The following CERS6 variants were observed in gnomAD, a reference collection of about 807,000 sequenced individuals.
CERS6 encodes LAG1 homolog, ceramide synthase 6.
Under a neutral mutation model 56.8 loss-of-function variants are expected in CERS6, and 26 were observed. The observed-to-expected ratio is 0.46, with a 90% CI of 0.34 to 0.63. The LOEUF (loss-of-function observed/expected upper bound fraction) is 0.63, where lower values mean the gene tolerates loss of function less well. Ranked by LOEUF, CERS6 falls within the 30% of genes least tolerant of loss-of-function variation. CERS6 has a pLI of 0.01. For synonymous variants in CERS6, 164 were observed against 173.3 expected, an observed-to-expected ratio of 0.95 and a Z score of 0.42; for missense variants, 415 against 467.5, an observed-to-expected ratio of 0.89 and a Z score of 1.04.
At chr2:168,555,398 A>G (rs984830442) in intron 2 of CERS6, among the ~76,000 whole-genome samples, 4 of 152,132 alleles carry the variant, frequency 2.6e-5, no homozygotes, top group Non-Finnish European at 4.4e-5. Flanking sequence ...ATATGAAAAA[A>G]ATAGCCATTT....
chr2:168,498,715 G>A (rs1483417095), intron 1 of CERS6, among the ~76,000 whole-genome samples: 4 of 152,242 alleles, frequency 2.6e-5, no homozygotes, highest in South Asian at 2.1e-4. Flanking sequence ...GAACCACGCC[G>A]TGGCTGGTGG....
chr2:168,708,785 C>G (rs1687020068), intron 6 of CERS6, among the ~76,000 whole-genome samples: 1 of 152,094 alleles, frequency 6.6e-6, no homozygotes, highest in Non-Finnish European at 1.5e-5. Flanking sequence ...CTTCTAAATT[C>G]CCTTTATAAA....
chr2:168,590,292 T>C (rs1185806443), intron 3 of CERS6, among the ~76,000 whole-genome samples: 2 of 152,246 alleles, frequency 1.3e-5, no homozygotes, highest in Non-Finnish European at 2.9e-5. Context: ...CTTTTGGCCA[T>C]TTTAAACTTA....
intron 4 of CERS6, among the ~76,000 whole-genome samples, chr2:168,677,420 G>A (rs1686092607): frequency 6.6e-6 from 1 of 152,136 alleles, no homozygotes. Flanking sequence ...GTCTAACATT[G>A]ATGGGCATTT....
chr2:168,571,175 C>T (rs1695978805), intron 3 of CERS6, among the ~76,000 whole-genome samples: 1 of 152,080 alleles, frequency 6.6e-6, no homozygotes, highest in South Asian at 2.1e-4. Flanking sequence ...CCCTCTCTTG[C>T]TCTCCTTCTC....
chr2:168,648,806 T>G, intron 4 of CERS6, among the ~76,000 whole-genome samples: 1 of 152,156 alleles, frequency 6.6e-6, no homozygotes, highest in East Asian at 1.9e-4. Context: ...TTTTGAGCAC[T>G]TTTCTTAGTG....
In CERS6 at chr2:168,516,760, C is replaced by T. The variant is rs548573626; in HGVS notation, c.171-30836C>T. On this transcript the variant is annotated intron_variant, in intron 1 of 9. Coordinates refer to ENST00000305747, the MANE Select transcript of CERS6 (RefSeq NM_203463.3). ...AAGAGCTGGGACTGAAAACCAAACC[C>T]GCCCATGTGTGAAGCCTCTACCTTT... is the stretch of plus-strand genomic sequence containing the variant. 3.9e-5 allele frequency among the ~76,000 whole-genome samples: 6 copies of T among 152,280 alleles called. No homozygotes were observed. The East Asian group carries it at 5.8e-4, about 15-fold the overall frequency.
chr2:168,771,467 GTTATT>G lies in CERS6; in HGVS notation c.*1812_*1816del, dbSNP rs1684859358. The stretch of plus-strand genomic sequence containing the variant: ...CAAATAATTCTGCTTTTAGAGCCTT[GTTATT>G]TTATTTCACAAAACAGGCATATGTC... On this transcript the variant is annotated 3_prime_UTR_variant, in exon 10 of 10. Coordinates refer to ENST00000305747, the MANE Select transcript of CERS6 (RefSeq NM_203463.3). The G allele has an allele frequency of 6.6e-6, 1 of 152,088 alleles. No individual in the cohort carries two copies. The highest frequency in any genetic ancestry group is 2.4e-5 in the African/African-American group (1 of 41,396). The allele number at this position is 152,088 out of a possible 1,614,324, so 9.4% of individuals were successfully genotyped here. A position where few individuals can be genotyped will look rare whatever the true frequency, so the allele number is the denominator to read the frequency against.
intron 8 of CERS6, among the ~76,000 whole-genome samples, chr2:168,758,837 C>T (rs1190262450): frequency 6.6e-6 from 1 of 152,136 alleles, no homozygotes. Context: ...TATGAGACTG[C>T]AGTCCTCAGG....
At chr2:168,749,370 C>T (rs1033560992) in intron 8 of CERS6, among the ~76,000 whole-genome samples, 5 of 152,318 alleles carry the variant, frequency 3.3e-5, no homozygotes, top group South Asian at 4.1e-4. Context: ...GTGAGAAATG[C>T]GCAAGCCCAT....
intron 4 of CERS6, among the ~76,000 whole-genome samples, chr2:168,651,955 G>T (rs909275667): frequency 2.6e-5 from 4 of 152,148 alleles, no homozygotes; most frequent in Non-Finnish European, 4.4e-5. Context: ...TTATTAGCTG[G>T]TAAAGCACAT....
intron 1 of CERS6, among the ~76,000 whole-genome samples, chr2:168,507,416 C>CT (rs1694697955): frequency 6.6e-6 from 1 of 152,028 alleles, no homozygotes; most frequent in Admixed American, 6.6e-5. Context: ...GCGCATAGGC[C>CT]TTTAAGTAGG....
At chr2:168,760,720 T>C (rs1206612991) in intron 8 of CERS6, among the ~76,000 whole-genome samples, 1 of 151,886 alleles carries the variant, frequency 6.6e-6, no homozygotes, top group East Asian at 1.9e-4. Context: ...CAAAGGCTCT[T>C]TCCTGGGTTT....
chr2:168,657,558 A>C (rs367669914), intron 4 of CERS6, among the ~76,000 whole-genome samples: 1 of 152,232 alleles, frequency 6.6e-6, no homozygotes, highest in Non-Finnish European at 1.5e-5. Context: ...CAGGCATGGC[A>C]GACTGCAGGT....
At chr2:168,532,092 A>G (rs1040670282) in intron 1 of CERS6, among the ~76,000 whole-genome samples, 9 of 152,182 alleles carry the variant, frequency 5.9e-5, no homozygotes, top group Non-Finnish European at 1.0e-4. Flanking sequence ...ATGAGTTTGC[A>G]CCAGAGGAAT....
intron 3 of CERS6, among the ~76,000 whole-genome samples, chr2:168,614,818 C>G (rs562178777): frequency 6.6e-6 from 1 of 152,240 alleles, no homozygotes; most frequent in African/African-American, 2.4e-5. Flanking sequence ...GGCATATACT[C>G]TTGGGAGTTC....
intron 4 of CERS6, among the ~76,000 whole-genome samples, chr2:168,686,918 T>C (rs977838749): frequency 2.6e-5 from 4 of 152,188 alleles, no homozygotes; most frequent in Admixed American, 2.0e-4. Context: ...AGAGAAATGA[T>C]AGGAATTTAT....
chr2:168,727,050 G>T (rs1421154120), intron 8 of CERS6, among the ~76,000 whole-genome samples: 1 of 152,168 alleles, frequency 6.6e-6, no homozygotes, highest in Non-Finnish European at 1.5e-5. Flanking sequence ...GCCAGTTAAT[G>T]ATTTTCCACA....
intron 8 of CERS6, among the ~76,000 whole-genome samples, chr2:168,739,153 C>T (rs1683815849): frequency 6.8e-6 from 1 of 148,144 alleles, no homozygotes; most frequent in South Asian, 2.1e-4. Flanking sequence ...GGGTAATCCG[C>T]CTGCCTCGGC....
Sources: gnomAD v4.1 joint callset for allele counts (sites outside exome capture counted in the v4.1 genomes callset) on GRCh38, gnomAD v4.1.1 for gene constraint, MANE v1.5 for transcripts, NCBI Gene and HGNC (gene_info 2026-07-23, HGNC 2026-07-21) for gene names.